TPX2: variants seen among roughly 807,000 people sequenced by gnomAD.
TPX2 encodes TPX2 microtubule nucleation factor.
TPX2 carries 21 observed loss-of-function variants against 93.6 expected under a neutral mutation model. The observed-to-expected ratio is 0.22, with a 90% CI of 0.16 to 0.32. The LOEUF is 0.32. Ranked by LOEUF, TPX2 falls within the 10% of genes least tolerant of loss-of-function variation. The pLI is 1.00. For missense variants in TPX2, 776 were observed against 871.1 expected (o/e 0.89, Z 1.37); for synonymous variants, 281 against 298.3 (o/e 0.94, Z 0.60).
intron 12 of TPX2, among the ~76,000 whole-genome samples, chr20:31,785,144 T>TA (rs1237765137): frequency 1.3e-5 from 2 of 152,246 alleles, no homozygotes; most frequent in East Asian, 1.9e-4. Context: ...TCCTCCCTGA[T>TA]ACCTACTTTT....
chr20:31,794,465 G>C lies in TPX2; in HGVS notation c.1750G>C (p.Val584Leu), dbSNP rs2123091942. Residue 584 changes from valine (V) to leucine (L), a missense_variant, in exon 15 of 18, where the codon GTA becomes CTA. Val to Leu is a conservative substitution (Grantham distance 32). Coordinates refer to ENST00000300403, the MANE Select transcript of TPX2 (RefSeq NM_012112.5). The stretch of plus-strand genomic sequence containing the variant: ...CACCATTAACCTGCCAGAGAAGAAG[G>C]TAAAGAATGTGACCCAGATTGAACC... ...FDTINLPEKK[V>L]KNVTQIEPFC... 1 of 1,614,192 alleles carries C rather than the reference G, an allele frequency of 6.2e-7. No individual in the cohort carries two copies. The highest frequency in any genetic ancestry group is 2.2e-5 in the East Asian group (1 of 44,874).
chr20:31,751,868 G>A (rs1028421933), intron 2 of TPX2, among the ~76,000 whole-genome samples: 1 of 152,060 alleles, frequency 6.6e-6, no homozygotes, highest in South Asian at 2.1e-4. Context: ...TCAGCCTCCC[G>A]AGTAGCTGGG....
chr20:31,759,588 C>T (rs1447817916), intron 3 of TPX2, among the ~76,000 whole-genome samples: 1 of 151,716 alleles, frequency 6.6e-6, no homozygotes, highest in African/African-American at 2.4e-5. Flanking sequence ...TTAGTAGAGA[C>T]GGGGTTTCAC....
intron 11 of TPX2, 88 bp downstream of exon 11, chr20:31,782,478 T>G: frequency 7.3e-6 from 11 of 1,502,770 alleles, no homozygotes; most frequent in Non-Finnish European, 9.8e-6. Flanking sequence ...TTGCTATTTT[T>G]CTTTCCGTAA....
chr20:31,784,733 A>G (rs2062054598), intron 12 of TPX2, among the ~76,000 whole-genome samples: 1 of 152,230 alleles, frequency 6.6e-6, no homozygotes, highest in African/African-American at 2.4e-5. Context: ...AGTGAGTTGT[A>G]GTTTGATAAT....
At chr20:31,747,629 A>G (rs745449709) in intron 2 of TPX2, among the ~76,000 whole-genome samples, 4 of 152,200 alleles carry the variant, frequency 2.6e-5, no homozygotes, top group African/African-American at 4.8e-5. Flanking sequence ...TTGGTCATTA[A>G]TAGCTATTTT....
chr20:31,780,399 G>A (rs2062026138), intron 10 of TPX2, among the ~76,000 whole-genome samples: 1 of 152,018 alleles, frequency 6.6e-6, no homozygotes. Context: ...TGGCCAAAAT[G>A]ATTTTGTTAG....
intron 4 of TPX2, among the ~76,000 whole-genome samples, chr20:31,762,846 G>A (rs943087546): frequency 6.6e-6 from 1 of 152,052 alleles, no homozygotes; most frequent in East Asian, 1.9e-4. Context: ...TTACTCTATT[G>A]CCTAGGCTTG....
chr20:31,799,965 A>T (rs1296829546), intron 17 of TPX2, among the ~76,000 whole-genome samples: 3 of 151,110 alleles, frequency 2.0e-5, no homozygotes, highest in Non-Finnish European at 2.9e-5. Flanking sequence ...GCTATACTAC[A>T]GCTGGATGTG....
chr20:31,782,526 C>G, intron 11 of TPX2, 136 bp downstream of exon 11: 1 of 1,103,860 alleles, frequency 9.1e-7, no homozygotes, highest in Non-Finnish European at 1.3e-6. Context: ...CTGCAGGCTA[C>G]GCCCCTGCCT....
intron 12 of TPX2, 115 bp from the exon 13 acceptor site, chr20:31,792,620 G>A: frequency 4.1e-6 from 4 of 986,142 alleles, no homozygotes; most frequent in Non-Finnish European, 6.3e-6. Flanking sequence ...GAGACCAGCT[G>A]GGCAACATAG....
intron 12 of TPX2, among the ~76,000 whole-genome samples, chr20:31,786,400 G>GTTTTTTTTTTTTTTT (rs369303743): frequency 1.1e-5 from 1 of 89,364 alleles, no homozygotes; most frequent in African/African-American, 6.4e-5. Flanking sequence ...CTGAACTACT[G>GTTTTTTTTTTTTTTT]TTTTTTTTTT....
rs1568592384 is a variant in TPX2 at position 31,776,048 on chromosome 20, GTGTTTTTTTTTTTTTTTTTTT to G, written c.730+62_730+82del. ...GGGTGGTTCTTAACACTCTTGGTAG[GTGTTTTTTTTTTTTTTTTTTT>G]TTTTTTTTTTTTTTTTTTTTTTGAG... is the stretch of plus-strand genomic sequence containing the variant. On this transcript the variant is annotated intron_variant, in intron 8 of 17. Coordinates refer to ENST00000300403, the MANE Select transcript of TPX2 (RefSeq NM_012112.5). The G allele has an allele frequency of 1.2e-3, 381 of 329,186 alleles. 11 individuals carry two copies. The highest frequency in any genetic ancestry group is 1.5e-3 in the Non-Finnish European group (325 of 219,646). 20.4% of individuals were successfully genotyped at this position (329,186 alleles called of 1,614,324 possible).
intron 12 of TPX2, among the ~76,000 whole-genome samples, chr20:31,788,593 C>T (rs1461444757): frequency 6.6e-6 from 1 of 152,088 alleles, no homozygotes; most frequent in East Asian, 1.9e-4. Flanking sequence ...GTTTCCTCTG[C>T]ACTTCCACTT....
At chr20:31,771,503 G>A in intron 6 of TPX2, 57 bp from the exon 7 acceptor site, 1 of 1,573,130 alleles carries the variant, frequency 6.4e-7, no homozygotes, top group Admixed American at 1.9e-5. Context: ...TGGGGAGGAG[G>A]GTACAGGCTA....
intron 10 of TPX2, among the ~76,000 whole-genome samples, chr20:31,779,619 G>A (rs761989830): frequency 1.3e-5 from 2 of 152,202 alleles, no homozygotes; most frequent in Non-Finnish European, 2.9e-5. Context: ...TTGAGGAGGA[G>A]GGAGGTGCAA....
intron 12 of TPX2, among the ~76,000 whole-genome samples, chr20:31,785,415 A>G (rs1183058378): frequency 6.6e-6 from 1 of 152,204 alleles, no homozygotes; most frequent in African/African-American, 2.4e-5. Flanking sequence ...TTTTACATAC[A>G]AGATAATGGA....
chr20:31,794,792 A>ATGTGTGTG (rs1568610103), intron 15 of TPX2, among the ~76,000 whole-genome samples: 1 of 105,640 alleles, frequency 9.5e-6, no homozygotes, highest in South Asian at 2.8e-4. Context: ...GTGTGTGTGT[A>ATGTGTGTG]TGTGTGTGTG....
At chr20:31,771,778 C>A in intron 7 of TPX2, 96 bp downstream of exon 7, 1 of 1,419,326 alleles carries the variant, frequency 7.0e-7, no homozygotes, top group Non-Finnish European at 9.5e-7. Flanking sequence ...GGTTGGCAAA[C>A]TCCTGAAGCT....
Sources: gnomAD v4.1 joint callset for allele counts (sites outside exome capture counted in the v4.1 genomes callset) on GRCh38, gnomAD v4.1.1 for gene constraint, MANE v1.5 for transcripts, NCBI Gene and HGNC (gene_info 2026-07-23, HGNC 2026-07-21) for gene names.